The following ATF7IP2 variants were observed in gnomAD, a reference collection of about 807,000 sequenced individuals.
ATF7IP2 encodes activating transcription factor 7 interacting protein 2.
In ATF7IP2, 42 loss-of-function variants were observed where a neutral mutation model predicts 64.2. The observed-to-expected ratio is 0.65, with a 90% confidence interval of 0.51 to 0.85. The LOEUF (loss-of-function observed/expected upper bound fraction) is 0.85. ATF7IP2 is among the 40% of genes least tolerant of loss of function. ATF7IP2 has a pLI of 0.00. For missense variants in ATF7IP2, 933 were observed against 784.2 expected (o/e 1.19, Z -2.27); for synonymous variants, 308 against 272.8 (o/e 1.13, Z -1.27).
In ATF7IP2 at chr16:10,461,361, A is replaced by C. The variant is rs545920109; in HGVS notation, c.1352+3832A>C. ...CTTGATATATCCTAGTTAGAGGTAT[A>C]TCTATTGCATGTTGATATGCCATAG... On this transcript the variant is annotated intron_variant, in intron 9 of 13. Coordinates refer to ENST00000562102, the MANE Select transcript of ATF7IP2 (RefSeq NM_001393719.1). Among the ~76,000 whole-genome samples, 15 of 152,264 alleles carry C rather than the reference A, an allele frequency of 9.9e-5. No homozygotes were observed. The South Asian group carries it at 3.1e-3, about 31-fold the overall frequency.
At chr16:10,464,128 TC>T (rs2049471732) in intron 9 of ATF7IP2, among the ~76,000 whole-genome samples, 1 of 152,226 alleles carries the variant, frequency 6.6e-6, no homozygotes, top group African/African-American at 2.4e-5. Flanking sequence ...ACCACAGCTT[TC>T]TAATGTCTTC....
intron 9 of ATF7IP2, among the ~76,000 whole-genome samples, chr16:10,461,196 G>A (rs1179263470): frequency 1.3e-5 from 2 of 152,032 alleles, no homozygotes; most frequent in African/African-American, 4.8e-5. Context: ...TGACTACTGG[G>A]TATTGGTGAA....
chr16:10,427,476 T>A (rs2048107416), intron 3 of ATF7IP2, among the ~76,000 whole-genome samples: 1 of 152,202 alleles, frequency 6.6e-6, no homozygotes, highest in South Asian at 2.1e-4. Flanking sequence ...CTTGAAAAGT[T>A]GAACATGGAT....
chr16:10,459,155 G>A (rs2049284872), intron 9 of ATF7IP2, among the ~76,000 whole-genome samples: 2 of 151,624 alleles, frequency 1.3e-5, no homozygotes, highest in Admixed American at 6.6e-5. Context: ...CCAACATGGA[G>A]AAACCCTGTC....
At chr16:10,451,509 C>T (rs763454051) in intron 8 of ATF7IP2, among the ~76,000 whole-genome samples, 1 of 151,954 alleles carries the variant, frequency 6.6e-6, no homozygotes. Flanking sequence ...AGGCTGTGTT[C>T]GTTCCTTTTC....
chr16:10,470,965 C>G (rs1477834556), intron 9 of ATF7IP2, among the ~76,000 whole-genome samples: 1 of 151,768 alleles, frequency 6.6e-6, no homozygotes, highest in Non-Finnish European at 1.5e-5. Context: ...CAAGACTTAA[C>G]TATAAAGGTG....
At chr16:10,472,226 G>A in intron 10 of ATF7IP2, 43 bp downstream of exon 10, 1 of 1,000,546 alleles carries the variant, frequency 1.0e-6, no homozygotes, top group Non-Finnish European at 1.4e-6. Flanking sequence ...AAGTTAGAAG[G>A]CCTTAAATCA....
intron 9 of ATF7IP2, among the ~76,000 whole-genome samples, chr16:10,460,413 T>C (rs529826338): frequency 6.6e-6 from 1 of 152,164 alleles, no homozygotes; most frequent in East Asian, 1.9e-4. Flanking sequence ...GTCAAGATAC[T>C]CTTTAATTAG....
chr16:10,443,768 G>A (rs1194171084), intron 8 of ATF7IP2, among the ~76,000 whole-genome samples: 6 of 152,104 alleles, frequency 3.9e-5, no homozygotes, highest in Non-Finnish European at 7.4e-5. Context: ...CAGCAACATT[G>A]GCTCCTAAAC....
At chr16:10,400,312 A>T (rs1414553893) in intron 1 of ATF7IP2, among the ~76,000 whole-genome samples, 1 of 152,220 alleles carries the variant, frequency 6.6e-6, no homozygotes, top group African/African-American at 2.4e-5. Context: ...AAGTGTTGGG[A>T]TTACAGGCAT....
At chr16:10,394,228 G>A (rs947736991) in intron 1 of ATF7IP2, among the ~76,000 whole-genome samples, 1 of 152,138 alleles carries the variant, frequency 6.6e-6, no homozygotes, top group African/African-American at 2.4e-5. Context: ...AGCAACCATA[G>A]TAAAGCTATC....
chr16:10,386,075 T>G lies in ATF7IP2; in HGVS notation c.-289T>G, dbSNP rs1567416252. 6.6e-6 allele frequency: 1 copy of G among 152,594 alleles called. No homozygotes were observed. Among genetic ancestry groups the G allele is most frequent in the Non-Finnish European group, 1.5e-5 (1 of 68,360 alleles). 9.5% of individuals were successfully genotyped at this position (152,594 alleles called of 1,614,324 possible). A position where few individuals can be genotyped will look rare whatever the true frequency, so the allele number is the denominator to read the frequency against. ...GGACCAGCATTGTTAACGGCTGCGG[T>G]TCGAAGTGGCTGTGGGTATTGCTGC... On this transcript the variant is annotated 5_prime_UTR_variant, in exon 1 of 14. Coordinates refer to ENST00000562102, the MANE Select transcript of ATF7IP2 (RefSeq NM_001393719.1).
At chr16:10,400,114 C>T (rs1418679094) in intron 1 of ATF7IP2, among the ~76,000 whole-genome samples, 1 of 152,154 alleles carries the variant, frequency 6.6e-6, no homozygotes, top group African/African-American at 2.4e-5. Context: ...AATCTCGGCC[C>T]ACTGCAACTT....
intron 8 of ATF7IP2, chr16:10,446,043 C>T (rs1225480591): frequency 6.6e-6 from 1 of 152,218 alleles, no homozygotes; most frequent in East Asian, 1.9e-4. Flanking sequence ...CTGACTTCTT[C>T]AAGGGCTACT....
At chr16:10,413,386 C>G (rs78887052) in intron 1 of ATF7IP2, among the ~76,000 whole-genome samples, 2,434 of 152,222 alleles carry the variant, frequency 0.016, 92 homozygotes, top group Admixed American at 0.078. Flanking sequence ...TTGCCACTGC[C>G]ATGTCAGAAG....
At chr16:10,433,478 T>C in intron 5 of ATF7IP2, 47 bp from the exon 6 acceptor site, 1 of 1,573,714 alleles carries the variant, frequency 6.4e-7, no homozygotes, top group Non-Finnish European at 8.7e-7. Flanking sequence ...CTGAACCTGT[T>C]TTTTTCTTTA....
At chr16:10,432,205 C>T (rs909493696) in intron 5 of ATF7IP2, among the ~76,000 whole-genome samples, 4 of 151,924 alleles carry the variant, frequency 2.6e-5, no homozygotes, top group Non-Finnish European at 4.4e-5. Flanking sequence ...TATATTCACA[C>T]ATGTGTATAT....
chr16:10,409,677 G>T (rs893542492), intron 1 of ATF7IP2, among the ~76,000 whole-genome samples: 1 of 152,088 alleles, frequency 6.6e-6, no homozygotes, highest in African/African-American at 2.4e-5. Context: ...CGCCCGCCTG[G>T]GCCTCCCAAA....
At chr16:10,396,567 G>C (rs1481483014) in intron 1 of ATF7IP2, among the ~76,000 whole-genome samples, 3 of 152,000 alleles carry the variant, frequency 2.0e-5, no homozygotes, top group Non-Finnish European at 4.4e-5. Context: ...CTGTGGCCCA[G>C]GCTGGAGTGC....
Sources: gnomAD v4.1 joint callset for allele counts (sites outside exome capture counted in the v4.1 genomes callset) on GRCh38, gnomAD v4.1.1 for gene constraint, MANE v1.5 for transcripts, NCBI Gene and HGNC (gene_info 2026-07-23, HGNC 2026-07-21) for gene names.